Variants in CACNB4 observed in about 807,000 individuals in gnomAD.
CACNB4 encodes voltage-dependent L-type calcium channel subunit beta-4.
In CACNB4, 32 loss-of-function variants were observed where a neutral mutation model predicts 71.2. That is an observed-to-expected ratio of 0.45 (90% confidence interval 0.34 to 0.60). The LOEUF (loss-of-function observed/expected upper bound fraction) is 0.60, where lower values mean the gene tolerates loss of function less well. Ranked by LOEUF, CACNB4 falls within the 20% of genes least tolerant of loss-of-function variation. The pLI, the probability that CACNB4 is intolerant of heterozygous loss-of-function variation, is 0.01. For missense variants in CACNB4, 464 were observed against 647.9 expected (o/e 0.72, Z 3.08); for synonymous variants, 231 against 236.9 (o/e 0.97, Z 0.23).
chr2:151,848,355 G>A (rs2099838153), intron 12 of CACNB4, among the ~76,000 whole-genome samples: 1 of 152,172 alleles, frequency 6.6e-6, no homozygotes, highest in Non-Finnish European at 1.5e-5. Flanking sequence ...AGCAATGTTA[G>A]GAATTAAACT....
intron 2 of CACNB4, among the ~76,000 whole-genome samples, chr2:151,984,988 C>T (rs912097983): frequency 6.6e-6 from 1 of 152,122 alleles, no homozygotes; most frequent in African/African-American, 2.4e-5. Context: ...CAGATCGATT[C>T]CCCAATTTAT....
At chr2:151,966,850 T>C (rs2099871251) in intron 2 of CACNB4, among the ~76,000 whole-genome samples, 1 of 152,104 alleles carries the variant, frequency 6.6e-6, no homozygotes, top group African/African-American at 2.4e-5. Flanking sequence ...AGATAATATA[T>C]ATCTGATTTT....
At chr2:151,902,707 A>G (rs978363203) in intron 2 of CACNB4, among the ~76,000 whole-genome samples, 17 of 151,708 alleles carry the variant, frequency 1.1e-4, no homozygotes, top group Non-Finnish European at 1.6e-4. Context: ...TCTGATCTTG[A>G]TATTTTGCTG....
chr2:152,013,173 A>G (rs962406517), intron 2 of CACNB4, among the ~76,000 whole-genome samples: 1 of 152,200 alleles, frequency 6.6e-6, no homozygotes, highest in African/African-American at 2.4e-5. Context: ...GTGTAAGTGC[A>G]TTTTGTGATG....
At chr2:151,990,678 C>T (rs1282448666) in intron 2 of CACNB4, among the ~76,000 whole-genome samples, 1 of 152,186 alleles carries the variant, frequency 6.6e-6, no homozygotes, top group Non-Finnish European at 1.5e-5. Context: ...ATCCCTTTTA[C>T]CTTCTGATTC....
intron 2 of CACNB4, among the ~76,000 whole-genome samples, chr2:151,934,684 C>G (rs1578863654): frequency 6.6e-6 from 1 of 151,934 alleles, no homozygotes; most frequent in Non-Finnish European, 1.5e-5. Context: ...TAAAAATACA[C>G]AAATTAGCTG....
chr2:151,914,400 C>T (rs147257757), intron 2 of CACNB4, among the ~76,000 whole-genome samples: 2 of 152,266 alleles, frequency 1.3e-5, no homozygotes, highest in East Asian at 3.9e-4. Context: ...AGCTTCTTTG[C>T]ATTGGGTTAG....
At chr2:151,896,242 C>T (rs1430641795) in intron 2 of CACNB4, among the ~76,000 whole-genome samples, 1 of 152,184 alleles carries the variant, frequency 6.6e-6, no homozygotes, top group African/African-American at 2.4e-5. Flanking sequence ...TCACCAGTCT[C>T]CTAAATTTGT....
At chr2:152,083,207 T>C (rs1687455876) in intron 2 of CACNB4, among the ~76,000 whole-genome samples, 1 of 152,078 alleles carries the variant, frequency 6.6e-6, no homozygotes, top group Non-Finnish European at 1.5e-5. Flanking sequence ...GAAATGTGTA[T>C]ATGTATGTGT....
intron 2 of CACNB4, among the ~76,000 whole-genome samples, chr2:152,093,505 T>A (rs1226051477): frequency 6.6e-6 from 1 of 152,098 alleles, no homozygotes; most frequent in Non-Finnish European, 1.5e-5. Context: ...TCTCTTTTGT[T>A]GCAACTGAGC....
chr2:151,904,853 T>A (rs1434711438), intron 2 of CACNB4, among the ~76,000 whole-genome samples: 1 of 152,196 alleles, frequency 6.6e-6, no homozygotes, highest in Admixed American at 6.5e-5. Flanking sequence ...TTTTAAGAAC[T>A]GAATTTGAAA....
chr2:152,003,414 C>T (rs957317091), intron 2 of CACNB4, among the ~76,000 whole-genome samples: 1 of 151,830 alleles, frequency 6.6e-6, no homozygotes, highest in Non-Finnish European at 1.5e-5. Context: ...CCACTGCACT[C>T]CAGCCTGGGC....
rs546065232 is a variant in CACNB4 at position 151,911,868 on chromosome 2, G to A, written c.148-28498C>T. 5.3e-5 allele frequency among the ~76,000 whole-genome samples: 8 copies of A among 151,268 alleles called. No homozygotes were observed. The South Asian group carries it at 1.7e-3, about 32-fold the overall frequency. On this transcript the variant is annotated intron_variant, in intron 2 of 13. Coordinates refer to ENST00000539935, the MANE Select transcript of CACNB4 (RefSeq NM_000726.5). ...AGAGCTTATTATTGGTCTATTCAGGGATTTGACCTCTTCCTGGTTTAATCT... is the reference window on the plus strand; with the variant it reads ...AGAGCTTATTATTGGTCTATTCAGGAATTTGACCTCTTCCTGGTTTAATCT...
At chr2:151,935,204 G>C (rs993305412) in intron 2 of CACNB4, among the ~76,000 whole-genome samples, 1 of 152,226 alleles carries the variant, frequency 6.6e-6, no homozygotes, top group Non-Finnish European at 1.5e-5. Context: ...TTCTTGTGCA[G>C]ATGGAAGGAA....
At chr2:152,004,705 G>A (rs1682625353) in intron 2 of CACNB4, among the ~76,000 whole-genome samples, 1 of 152,172 alleles carries the variant, frequency 6.6e-6, no homozygotes, top group Non-Finnish European at 1.5e-5. Flanking sequence ...AAATCTACCA[G>A]CAGAATAGGG....
chr2:151,925,062 T>C (rs1446352357), intron 2 of CACNB4, among the ~76,000 whole-genome samples: 2 of 152,228 alleles, frequency 1.3e-5, no homozygotes, highest in Non-Finnish European at 2.9e-5. Flanking sequence ...TGTGATCTCT[T>C]TAAGAATATC....
chr2:152,054,156 A>G (rs1173145197), intron 2 of CACNB4, among the ~76,000 whole-genome samples: 1 of 151,684 alleles, frequency 6.6e-6, no homozygotes, highest in Non-Finnish European at 1.5e-5. Context: ...TCACGAGGTC[A>G]GGAGATCGAG....
chr2:152,054,236 C>G lies in CACNB4; in HGVS notation c.147+44094G>C, dbSNP rs540232320. On this transcript the variant is annotated intron_variant, in intron 2 of 13. Coordinates refer to ENST00000539935, the MANE Select transcript of CACNB4 (RefSeq NM_000726.5). ...CAAAAATTAGCCGGGCGTGGTGGCG[C>G]GCGCCTGTAGTCCCAGCTACACGGG... 9.6e-4 allele frequency among the ~76,000 whole-genome samples: 146 copies of G among 151,614 alleles called. 1 individual carries two copies. The East Asian group carries it at 0.012, about 13-fold the overall frequency.
intron 2 of CACNB4, chr2:151,973,809 G>C (rs1390558455): frequency 2.6e-6 from 4 of 1,537,640 alleles, no homozygotes; most frequent in Non-Finnish European, 3.5e-6. Context: ...CTGTTTGGGA[G>C]AACTGCGCCT....
Sources: gnomAD v4.1 joint callset for allele counts (sites outside exome capture counted in the v4.1 genomes callset) on GRCh38, gnomAD v4.1.1 for gene constraint, MANE v1.5 for transcripts, NCBI Gene and HGNC (gene_info 2026-07-23, HGNC 2026-07-21) for gene names.